The following NMBR variants were observed in gnomAD, a reference collection of about 807,000 sequenced individuals.
NMBR encodes neuromedin-B receptor.
A neutral mutation model predicts 20.5 loss-of-function variants in NMBR; 16 were observed. The ratio of observed to expected loss-of-function variants is 0.78; its 90% CI spans 0.53 to 1.19. NMBR has a LOEUF of 1.19. Among genes scored for constraint, NMBR ranks in the 50% most tolerant of loss-of-function variants. The pLI is 0.00. For synonymous variants in NMBR, 212 were observed against 196.6 expected (o/e 1.08, Z -0.65); for missense variants, 582 against 499.1 (o/e 1.17, Z -1.58).
chr6:142,118,473 GGA>G (rs1777889362), intron 1 of NMBR, among the ~76,000 whole-genome samples: 1 of 151,912 alleles, frequency 6.6e-6, no homozygotes, highest in Admixed American at 6.6e-5. Flanking sequence ...GTTTTAGCTA[GGA>G]ACATCTGAAG....
intron 1 of NMBR, chr6:142,133,959 A>C: frequency 2.8e-6 from 2 of 702,512 alleles, no homozygotes; most frequent in Non-Finnish European, 5.2e-6. Context: ...GAGGCCTTGC[A>C]CTTCATTTGC....
chr6:142,135,375 A>T (rs1328651415), intron 1 of NMBR, among the ~76,000 whole-genome samples: 1 of 152,194 alleles, frequency 6.6e-6, no homozygotes, highest in Admixed American at 6.5e-5. Context: ...GTAAAATATA[A>T]CTTATTAAGC....
intron 2 of NMBR, among the ~76,000 whole-genome samples, chr6:142,084,244 G>C (rs902814604): frequency 2.0e-5 from 3 of 152,124 alleles, no homozygotes; most frequent in Admixed American, 2.0e-4. Flanking sequence ...TAAAATATCT[G>C]TTTGCATTGA....
At chr6:142,081,629 A>G (rs960080238) in intron 2 of NMBR, among the ~76,000 whole-genome samples, 2 of 152,256 alleles carry the variant, frequency 1.3e-5, no homozygotes, top group African/African-American at 4.8e-5. Context: ...CAATTGTCGA[A>G]GAAAAATGTT....
intron 1 of NMBR, among the ~76,000 whole-genome samples, chr6:142,137,706 C>G (rs225611): frequency 0.4 from 60,997 of 151,744 alleles, 12,852 homozygotes; most frequent in Middle Eastern, 0.56. Flanking sequence ...TAGCATGAAG[C>G]GTTGTTGAAT....
intron 1 of NMBR, chr6:142,133,746 C>A: frequency 1.9e-6 from 1 of 518,000 alleles, no homozygotes; most frequent in South Asian, 3.4e-5. Context: ...GGCTTCAAAA[C>A]TTCTTGACTC....
intron 1 of NMBR, among the ~76,000 whole-genome samples, chr6:142,091,363 G>A (rs911669307): frequency 4.1e-4 from 63 of 152,148 alleles, no homozygotes; most frequent in African/African-American, 1.4e-3. Flanking sequence ...AGCTGGGACC[G>A]CAAGTGTGCC....
At chr6:142,110,267 T>C (rs925308684) in intron 1 of NMBR, among the ~76,000 whole-genome samples, 1 of 152,102 alleles carries the variant, frequency 6.6e-6, no homozygotes, top group African/African-American at 2.4e-5. Flanking sequence ...ACAAAACCTA[T>C]ATACACATCA....
rs575831929 is a variant in NMBR, at chr6:142,098,484, C to T, written c.-663-9163G>A. On this transcript the variant is annotated intron_variant, in intron 1 of 3. Transcript: ENST00000258042. The stretch of plus-strand genomic sequence containing the variant: ...CTAATAAGTAACCATGGAGAGGTTG[C>T]CAAATAAAAATTAATATACAAAAGT... 2.6e-5 allele frequency among the ~76,000 whole-genome samples: 4 copies of T among 152,020 alleles called. No individual in the cohort carries two copies. The South Asian group carries it at 8.3e-4, about 32-fold the overall frequency.
At chr6:142,093,857 A>C (rs1025263886) in intron 1 of NMBR, among the ~76,000 whole-genome samples, 2 of 152,100 alleles carry the variant, frequency 1.3e-5, no homozygotes, top group African/African-American at 4.8e-5. Context: ...AACTGGTGTG[A>C]GATGGTATCT....
intron 3 of NMBR, among the ~76,000 whole-genome samples, chr6:142,076,960 C>A (rs1359390690): frequency 6.6e-6 from 1 of 152,068 alleles, no homozygotes; most frequent in African/African-American, 2.4e-5. Context: ...TGGTAGGTAG[C>A]AATAGAGTGG....
rs575700868 is a variant in NMBR at position 142,093,421 on chromosome 6, C to T, written c.-663-4100G>A. On this transcript the variant is annotated intron_variant, in intron 1 of 3. Coordinates refer to ENST00000258042, the MANE Select transcript of NMBR (RefSeq NM_002511.4). Reference sequence around the variant, plus strand: ...TGCAGTGTTTGGTTTTTTGTCCTTGCGATAGTTTGCTGAGAATGATGGTTT... The same window carrying T: ...TGCAGTGTTTGGTTTTTTGTCCTTGTGATAGTTTGCTGAGAATGATGGTTT... 1.1e-3 allele frequency among the ~76,000 whole-genome samples: 165 copies of T among 149,194 alleles called. 1 individual carries two copies. Among genetic ancestry groups the T allele is most frequent in the African/African-American group, 3.9e-3 (156 of 40,470 alleles).
chr6:142,143,928 G>GTA (rs1426550100), intron 1 of NMBR, among the ~76,000 whole-genome samples: 23 of 152,164 alleles, frequency 1.5e-4, no homozygotes, highest in Non-Finnish European at 2.8e-4. Context: ...ATGTTTGCTC[G>GTA]TATATAGTTA....
At chr6:142,140,014 G>T (rs559261340) in intron 1 of NMBR, among the ~76,000 whole-genome samples, 1 of 151,990 alleles carries the variant, frequency 6.6e-6, no homozygotes, top group Non-Finnish European at 1.5e-5. Context: ...ACAAGAAGTG[G>T]GATGCTACAT....
At position 142,088,263 on chromosome 6, in the gene NMBR, G is replaced by T. The variant is rs1329016985; in HGVS notation, c.396C>A (p.Phe132Leu). The T allele has an allele frequency of 1.2e-6, 2 of 1,612,842 alleles. No homozygotes were observed. Among genetic ancestry groups the T allele is most frequent in the Non-Finnish European group, 1.7e-6 (2 of 1,180,000 alleles). ...TGTCGGCGCTGAGGGCAGTGAGAGT[G>T]AACACGGAAACCCCCACGGAAGTGA... Reference protein sequence around the residue: ...IQLTSVGVSVFTLTALSADRY... With the variant: ...IQLTSVGVSVLTLTALSADRY... The change falls in exon 2 of 4, where the codon TTC (phenylalanine) becomes TTA (leucine). Residue 132 changes from phenylalanine to leucine, a missense_variant. Phe to Leu is a conservative substitution (Grantham distance 22). Coordinates refer to ENST00000258042, the MANE Select transcript of NMBR (RefSeq NM_002511.4).
intron 1 of NMBR, among the ~76,000 whole-genome samples, chr6:142,135,927 G>C (rs899555574): frequency 1.3e-5 from 2 of 151,774 alleles, no homozygotes; most frequent in African/African-American, 4.8e-5. Flanking sequence ...CCAAGTCTTT[G>C]CTATTGTGAA....
intron 1 of NMBR, among the ~76,000 whole-genome samples, chr6:142,117,643 G>A (rs930940560): frequency 6.6e-6 from 1 of 151,210 alleles, no homozygotes; most frequent in Non-Finnish European, 1.5e-5. Context: ...TAATTAATCT[G>A]GAGTTTATGC....
intron 1 of NMBR, among the ~76,000 whole-genome samples, chr6:142,116,671 C>T (rs1777861092): frequency 3.9e-5 from 6 of 151,974 alleles, no homozygotes; most frequent in Admixed American, 3.9e-4. Flanking sequence ...TATCATTTGA[C>T]AACTGATAAG....
intron 1 of NMBR, among the ~76,000 whole-genome samples, chr6:142,142,944 G>A (rs1028785527): frequency 6.6e-6 from 1 of 152,006 alleles, no homozygotes; most frequent in Non-Finnish European, 1.5e-5. Flanking sequence ...AATTAGCCAG[G>A]CATGGTGGTG....
Sources: gnomAD v4.1 joint callset for allele counts (sites outside exome capture counted in the v4.1 genomes callset) on GRCh38, gnomAD v4.1.1 for gene constraint, MANE v1.5 for transcripts, NCBI Gene and HGNC (gene_info 2026-07-23, HGNC 2026-07-21) for gene names.